The following BIRC6 variants were observed in gnomAD, a reference collection of about 807,000 sequenced individuals.
The protein encoded by BIRC6 is baculoviral IAP repeat containing 6, also known as dual E2 ubiquitin-conjugating enzyme/E3 ubiquitin-protein ligase BIRC6.
A neutral mutation model predicts 503.3 loss-of-function variants in BIRC6; 98 were observed. That is an observed-to-expected ratio of 0.19 (90% CI 0.17 to 0.23). The LOEUF (loss-of-function observed/expected upper bound fraction) is 0.23. BIRC6 is among the 10% of genes least tolerant of loss of function. The pLI is 1.00. For synonymous variants in BIRC6, 2,240 were observed against 2,078.7 expected (o/e 1.08, Z -2.11); for missense variants, 5,360 against 5,806.0 (o/e 0.92, Z 2.50).
At chr2:32,455,379 CAAAAAAA>C (rs758202958) in intron 23 of BIRC6, among the ~76,000 whole-genome samples, 5 of 88,736 alleles carry the variant, frequency 5.6e-5, no homozygotes, top group Admixed American at 2.5e-4. Context: ...ACTCTGTCTC[CAAAAAAA>C]AAAAAAAAAA....
In BIRC6 at chr2:32,524,887, G is replaced by T; in HGVS notation, c.11624-1G>T. The T allele has an allele frequency of 6.9e-7, 1 of 1,442,180 alleles. No homozygotes were observed. Among genetic ancestry groups the T allele is most frequent in the East Asian group, 2.6e-5 (1 of 39,008 alleles). 89.3% of individuals were successfully genotyped at this position (1,442,180 alleles called of 1,614,324 possible). On this transcript the variant is annotated splice_acceptor_variant, in intron 57 of 73. Coordinates refer to ENST00000421745, the MANE Select transcript of BIRC6 (RefSeq NM_016252.4). LOFTEE classifies it high-confidence loss of function. Reference sequence around the variant, plus strand: ...GTATTTTAGATAATATCTTCTTACAGATACTCCAAGTATCACAGCTAAATT... The same window carrying T: ...GTATTTTAGATAATATCTTCTTACATATACTCCAAGTATCACAGCTAAATT...
intron 10 of BIRC6, among the ~76,000 whole-genome samples, chr2:32,421,893 G>A (rs2042988113): frequency 6.6e-6 from 1 of 152,112 alleles, no homozygotes; most frequent in African/African-American, 2.4e-5. Flanking sequence ...TTTATATTGA[G>A]CCTTCTTCTA....
intron 4 of BIRC6, among the ~76,000 whole-genome samples, chr2:32,390,489 A>G (rs1164547868): frequency 6.6e-6 from 1 of 151,738 alleles, no homozygotes; most frequent in African/African-American, 2.4e-5. Flanking sequence ...CATTTTTTGT[A>G]TTTTTAGTAA....
chr2:32,455,534 C>T (rs1317076346), intron 23 of BIRC6, among the ~76,000 whole-genome samples: 1 of 151,990 alleles, frequency 6.6e-6, no homozygotes, highest in African/African-American at 2.4e-5. Context: ...GGCTGAGGTA[C>T]GAGAATTGCT....
chr2:32,525,173 A>T (rs1463577983), intron 58 of BIRC6, among the ~76,000 whole-genome samples, 154 bp downstream of exon 58: 2 of 151,588 alleles, frequency 1.3e-5, no homozygotes, highest in East Asian at 1.9e-4. Flanking sequence ...TTTTATTTTT[A>T]TTTTTTTTCA....
At chr2:32,425,193 T>A (rs982876198) in intron 10 of BIRC6, among the ~76,000 whole-genome samples, 10 of 152,124 alleles carry the variant, frequency 6.6e-5, no homozygotes, top group African/African-American at 2.4e-4. Flanking sequence ...TTTCTCATAT[T>A]CTGTGGGTTG....
intron 46 of BIRC6, 64 bp from the exon 47 acceptor site, chr2:32,501,649 G>A: frequency 7.1e-7 from 1 of 1,402,006 alleles, no homozygotes; most frequent in Non-Finnish European, 9.7e-7. Context: ...GAGATTACAG[G>A]CATGAGCCAC....
At chr2:32,377,937 T>C (rs998857549) in intron 2 of BIRC6, among the ~76,000 whole-genome samples, 168 bp downstream of exon 2, 2 of 152,248 alleles carry the variant, frequency 1.3e-5, no homozygotes, top group Admixed American at 6.5e-5. Context: ...TCACCTTTTC[T>C]CTGCATAATT....
chr2:32,513,443 ATTATCT>A (rs1273787623), intron 54 of BIRC6, among the ~76,000 whole-genome samples: 1 of 152,130 alleles, frequency 6.6e-6, no homozygotes, highest in South Asian at 2.1e-4. Context: ...TTCCCACCAG[ATTATCT>A]TTAATGTACA....
At chr2:32,364,355 T>C (rs2034563923) in intron 1 of BIRC6, among the ~76,000 whole-genome samples, 1 of 152,228 alleles carries the variant, frequency 6.6e-6, no homozygotes. Context: ...TTCTCCTGCC[T>C]CAGCCTCCTG....
chr2:32,568,434 A>T (rs1322940307), intron 65 of BIRC6, among the ~76,000 whole-genome samples: 1 of 149,324 alleles, frequency 6.7e-6, no homozygotes, highest in Non-Finnish European at 1.5e-5. Context: ...CAAGGCTACA[A>T]AGTGCAATGG....
At chr2:32,580,718 A>G (rs960197296) in intron 66 of BIRC6, among the ~76,000 whole-genome samples, 2 of 152,166 alleles carry the variant, frequency 1.3e-5, no homozygotes, top group Non-Finnish European at 2.9e-5. Context: ...AGAGACTTTC[A>G]TCTGTTTTGT....
chr2:32,449,437 T>C (rs2046439761), intron 22 of BIRC6, among the ~76,000 whole-genome samples: 1 of 152,234 alleles, frequency 6.6e-6, no homozygotes, highest in Non-Finnish European at 1.5e-5. Flanking sequence ...GAATGTGTTT[T>C]TCGGATGTAT....
At chr2:32,571,776 G>T (rs1301236995) in intron 65 of BIRC6, among the ~76,000 whole-genome samples, 2 of 152,018 alleles carry the variant, frequency 1.3e-5, no homozygotes, top group Non-Finnish European at 2.9e-5. Context: ...CTAACTTTGG[G>T]TGTGGATTGT....
intron 6 of BIRC6, among the ~76,000 whole-genome samples, chr2:32,397,785 C>G (rs531022546): frequency 6.6e-6 from 1 of 151,696 alleles, no homozygotes; most frequent in Admixed American, 6.6e-5. Flanking sequence ...TAACCTATAC[C>G]TGAAAAGTTA....
rs1410616242 is a variant in BIRC6, at chr2:32,429,264, T to C, written c.2991T>C (p.Pro997=). 2 of 1,530,072 alleles carry C rather than the reference T, an allele frequency of 1.3e-6. No individual in the cohort carries two copies. Among genetic ancestry groups the C allele is most frequent in the East Asian group, 4.9e-5 (2 of 40,760 alleles). The allele number at this position is 1,530,072 out of a possible 1,614,324, so 94.8% of individuals were successfully genotyped here. ...GIEPSSEGSK[P]LSNPSSPGIS... is the part of the protein sequence containing the mutation. ...AACCATCTTCAGAAGGTTCCAAACC[T>C]TTATCAAATCCTTCAAGTCCTGGCA... The change falls in exon 11 of 74, where the codon CCT becomes CCC. Residue 997 remains proline (P), a synonymous_variant. Coordinates refer to ENST00000421745, the MANE Select transcript of BIRC6 (RefSeq NM_016252.4).
chr2:32,614,762 G>A (rs1278818226), intron 73 of BIRC6, among the ~76,000 whole-genome samples: 2 of 152,216 alleles, frequency 1.3e-5, no homozygotes, highest in Non-Finnish European at 2.9e-5. Context: ...AACCCGGGAG[G>A]TGGAGGTTGC....
chr2:32,437,357 TAAAA>T (rs925432791), intron 15 of BIRC6, among the ~76,000 whole-genome samples: 1 of 151,822 alleles, frequency 6.6e-6, no homozygotes, highest in Non-Finnish European at 1.5e-5. Context: ...TGGGGGTAAA[TAAAA>T]AAAACCAACA....
intron 45 of BIRC6, among the ~76,000 whole-genome samples, chr2:32,496,233 CT>C (rs150687120): frequency 6.8e-4 from 99 of 145,440 alleles, no homozygotes; most frequent in Middle Eastern, 3.6e-3. Flanking sequence ...AATTCATACA[CT>C]TTTTTTTTTT....
Sources: gnomAD v4.1 joint callset for allele counts (sites outside exome capture counted in the v4.1 genomes callset) on GRCh38, gnomAD v4.1.1 for gene constraint, MANE v1.5 for transcripts, NCBI Gene and HGNC (gene_info 2026-07-23, HGNC 2026-07-21) for gene names.